The following DMD variants were observed in gnomAD, a reference collection of about 807,000 sequenced individuals.
DMD encodes the protein mutant dystrophin.
A neutral mutation model predicts 330.1 loss-of-function variants in DMD; 63 were observed. That is an observed-to-expected ratio of 0.19 (90% CI 0.16 to 0.24). The LOEUF (loss-of-function observed/expected upper bound fraction) is 0.24, where lower values mean the gene tolerates loss of function less well. Ranked by LOEUF, DMD falls within the 10% of genes least tolerant of loss-of-function variation. The pLI, the probability that DMD is intolerant of heterozygous loss-of-function variation, is 1.00. For synonymous variants in DMD, 1,223 were observed against 959.8 expected, an observed-to-expected ratio of 1.27 and a Z score of -5.07; for missense variants, 3,344 against 2,684.1, an observed-to-expected ratio of 1.25 and a Z score of -5.43.
At chrX:32,721,403 CAGGTATGA>C (rs1387441426) in intron 7 of DMD, among the ~76,000 whole-genome samples, 1 of 109,991 alleles carries the variant, frequency 9.1e-6, no homozygotes, top group Admixed American at 9.8e-5. Context: ...CTCATCCTAA[CAGGTATGA>C]AGTAATACCT....
chrX:31,339,034 A>C (rs763457666), intron 61 of DMD, among the ~76,000 whole-genome samples: 2 of 110,350 alleles, frequency 1.8e-5, no homozygotes, highest in African/African-American at 6.6e-5. Flanking sequence ...CCTGATTTCA[A>C]GCTACCAAAG....
Position 31,528,097 on chromosome X carries a change from G to A in DMD, c.8218-20644C>T, listed in dbSNP as rs188148839. On this transcript the variant is annotated intron_variant, in intron 55 of 78. Coordinates refer to ENST00000357033, the MANE Select transcript of DMD (RefSeq NM_004006.3). ...ACAGCAGAGATTTCCCATCACAGAAGGATAGGAATTGAGGAAGGCAAGTGG... is the reference window on the plus strand; with the variant it reads ...ACAGCAGAGATTTCCCATCACAGAAAGATAGGAATTGAGGAAGGCAAGTGG... 1.1e-4 allele frequency among the ~76,000 whole-genome samples: 12 copies of A among 111,689 alleles called. No individual in the cohort carries two copies. In the East Asian group the frequency reaches 3.1e-3, roughly 29 times the overall value.
chrX:32,594,199 T>A (rs2055257862), intron 13 of DMD, among the ~76,000 whole-genome samples: 1 of 112,017 alleles, frequency 8.9e-6, no homozygotes. Flanking sequence ...CTCAGGGTGT[T>A]AAGTATGCAT....
At chrX:31,288,841 A>G (rs954094753) in intron 62 of DMD, among the ~76,000 whole-genome samples, 1 of 112,127 alleles carries the variant, frequency 8.9e-6, no homozygotes, top group Non-Finnish European at 1.9e-5. Context: ...TGCTGCTCTC[A>G]GTCATTCAAT....
intron 53 of DMD, among the ~76,000 whole-genome samples, chrX:31,659,653 A>AGG (rs2081008356): frequency 2.9e-5 from 3 of 104,112 alleles, no homozygotes; most frequent in African/African-American, 7.1e-5. Flanking sequence ...AAAAAAAAAA[A>AGG]AAAAAAAAAA....
At chrX:31,734,379 T>C (rs2149041636) in intron 51 of DMD, among the ~76,000 whole-genome samples, 1 of 111,421 alleles carries the variant, frequency 9.0e-6, no homozygotes, top group African/African-American at 3.3e-5. Context: ...TTTAGTACCA[T>C]AATCTTATCC....
intron 51 of DMD, among the ~76,000 whole-genome samples, chrX:31,745,776 C>T (rs1243461739): frequency 8.9e-6 from 1 of 111,876 alleles, no homozygotes; most frequent in East Asian, 2.8e-4. Flanking sequence ...GGTAAACATT[C>T]AGAATGTTTT....
intron 41 of DMD, among the ~76,000 whole-genome samples, chrX:32,332,475 G>A (rs1017743665): frequency 9.4e-6 from 1 of 105,844 alleles, no homozygotes; most frequent in South Asian, 4.1e-4. Context: ...AAGATTCATT[G>A]AAAAAAACAC....
chrX:32,778,860 C>A (rs902032170), intron 7 of DMD, among the ~76,000 whole-genome samples: 8 of 106,678 alleles, frequency 7.5e-5, no homozygotes, highest in Non-Finnish European at 1.5e-4. Context: ...AACCTTAATT[C>A]CCCTGTGTCA....
At chrX:32,850,505 G>A (rs1025517414) in intron 2 of DMD, among the ~76,000 whole-genome samples, 10 of 111,598 alleles carry the variant, frequency 9.0e-5, no homozygotes, top group South Asian at 3.8e-4. Flanking sequence ...TTTCATAACC[G>A]TTGTGGCATT....
At chrX:32,177,697 C>T (rs999199591) in intron 44 of DMD, among the ~76,000 whole-genome samples, 2 of 111,099 alleles carry the variant, frequency 1.8e-5, no homozygotes, top group South Asian at 7.6e-4. Flanking sequence ...AGTCTGACAT[C>T]CCTGCTGGGA....
At chrX:32,524,357 T>G (rs1205024448) in intron 17 of DMD, among the ~76,000 whole-genome samples, 1 of 112,172 alleles carries the variant, frequency 8.9e-6, no homozygotes, top group Non-Finnish European at 1.9e-5. Flanking sequence ...TACTAAGTGC[T>G]TACTATGTGC....
At chrX:31,764,362 T>C (rs995108976) in intron 51 of DMD, among the ~76,000 whole-genome samples, 1 of 111,815 alleles carries the variant, frequency 8.9e-6, no homozygotes, top group African/African-American at 3.2e-5. Context: ...CTAATTTTTA[T>C]GTAGAATTTC....
chrX:32,066,898 G>C (rs1348027490), intron 44 of DMD, among the ~76,000 whole-genome samples: 2 of 111,452 alleles, frequency 1.8e-5, no homozygotes, highest in African/African-American at 3.3e-5. Context: ...AAATGGATGA[G>C]AGAAGGAAGT....
At chrX:32,352,181 G>A (rs752507282) in intron 37 of DMD, among the ~76,000 whole-genome samples, 117 of 110,467 alleles carry the variant, frequency 1.1e-3, no homozygotes, top group Non-Finnish European at 1.9e-3. Context: ...TTTATAAGCA[G>A]AGACTAGATG....
At chrX:32,385,494 T>C (rs1293740443) in intron 33 of DMD, among the ~76,000 whole-genome samples, 1 of 110,836 alleles carries the variant, frequency 9.0e-6, no homozygotes, top group Non-Finnish European at 1.9e-5. Flanking sequence ...CAAACATTTT[T>C]TTTGGATCTG....
intron 51 of DMD, among the ~76,000 whole-genome samples, chrX:31,735,276 C>A: frequency 9.0e-6 from 1 of 111,629 alleles, no homozygotes; most frequent in Middle Eastern, 4.2e-3. Context: ...TTGCACCTTC[C>A]TTGGCTTCCT....
At chrX:32,611,394 T>C (rs1443290748) in intron 12 of DMD, among the ~76,000 whole-genome samples, 1 of 111,247 alleles carries the variant, frequency 9.0e-6, no homozygotes, top group East Asian at 2.8e-4. Context: ...AACTTGCATA[T>C]ACTCCTGTTG....
chrX:32,441,385 T>C (rs1013411853), intron 27 of DMD, 71 bp from the exon 28 acceptor site: 17 of 1,019,478 alleles, frequency 1.7e-5, no homozygotes, highest in Non-Finnish European at 4.1e-6. Context: ...TGCCATTTCA[T>C]TATTAAAACT....
Sources: gnomAD v4.1 joint callset for allele counts (sites outside exome capture counted in the v4.1 genomes callset) on GRCh38, gnomAD v4.1.1 for gene constraint, MANE v1.5 for transcripts, NCBI Gene and HGNC (gene_info 2026-07-23, HGNC 2026-07-21) for gene names.